Variants in RGS7 observed in about 807,000 individuals in gnomAD.
RGS7 encodes regulator of G protein signaling 7.
In RGS7, 27 loss-of-function variants were observed where a neutral mutation model predicts 81.1. The ratio of observed to expected loss-of-function variants is 0.33; its 90% CI spans 0.25 to 0.46. The LOEUF (loss-of-function observed/expected upper bound fraction) is 0.46. Ranked by LOEUF, RGS7 falls within the 20% of genes least tolerant of loss-of-function variation. The pLI is 1.00. For missense variants in RGS7, 396 were observed against 607.4 expected (o/e 0.65, Z 3.66); for synonymous variants, 208 against 207.7 (o/e 1.00, Z -0.01).
chr1:240,987,273 A>G (rs556496991), intron 3 of RGS7, among the ~76,000 whole-genome samples: 1 of 152,334 alleles, frequency 6.6e-6, no homozygotes, highest in South Asian at 2.1e-4. Flanking sequence ...TATTTTCATA[A>G]TTTTCAGCTA....
intron 11 of RGS7, among the ~76,000 whole-genome samples, chr1:240,815,268 T>C (rs1298475983): frequency 6.6e-6 from 1 of 152,018 alleles, no homozygotes; most frequent in Admixed American, 6.6e-5. Context: ...CCTGGGACTC[T>C]GAAGCAGAGG....
intron 15 of RGS7, among the ~76,000 whole-genome samples, chr1:240,805,858 G>C (rs1007087931): frequency 6.6e-6 from 1 of 151,994 alleles, no homozygotes; most frequent in African/African-American, 2.4e-5. Context: ...CTCACTTACT[G>C]GGGGGACAAA....
At chr1:241,140,124 G>A (rs2067825214) in intron 2 of RGS7, among the ~76,000 whole-genome samples, 2 of 152,158 alleles carry the variant, frequency 1.3e-5, no homozygotes, top group Admixed American at 1.3e-4. Context: ...CCTTGTGTCT[G>A]GCTTCGGATG....
At chr1:240,944,994 T>C (rs573687393) in intron 4 of RGS7, among the ~76,000 whole-genome samples, 3 of 150,926 alleles carry the variant, frequency 2.0e-5, no homozygotes, top group African/African-American at 7.4e-5. Flanking sequence ...TACAGGCGTG[T>C]GCCACGCATC....
intron 6 of RGS7, among the ~76,000 whole-genome samples, chr1:240,882,496 G>A (rs2148093478): frequency 6.6e-6 from 1 of 152,250 alleles, no homozygotes; most frequent in Admixed American, 6.5e-5. Context: ...TGATGGTAAT[G>A]ATGAAACCCA....
intron 18 of RGS7, among the ~76,000 whole-genome samples, chr1:240,785,775 T>C (rs1369482661): frequency 6.6e-6 from 1 of 152,176 alleles, no homozygotes; most frequent in African/African-American, 2.4e-5. Flanking sequence ...CAAGCTAGGC[T>C]AGGTGTTAGG....
chr1:241,239,972 T>C (rs1015497106), intron 2 of RGS7, among the ~76,000 whole-genome samples: 1 of 152,096 alleles, frequency 6.6e-6, no homozygotes, highest in African/African-American at 2.4e-5. Context: ...TCAAGGAGAA[T>C]AAATGGATTA....
intron 2 of RGS7, among the ~76,000 whole-genome samples, chr1:241,300,757 G>A (rs143202739): frequency 1.2e-4 from 19 of 152,306 alleles, no homozygotes; most frequent in Non-Finnish European, 2.1e-4. Flanking sequence ...CATGTTTCCA[G>A]CTCATGTGGG....
intron 2 of RGS7, among the ~76,000 whole-genome samples, chr1:241,215,905 T>C (rs776235180): frequency 1.3e-5 from 2 of 152,234 alleles, no homozygotes; most frequent in Non-Finnish European, 2.9e-5. Flanking sequence ...ATTGGTTTAA[T>C]GTGTAACCAT....
At chr1:240,885,446 C>T (rs546126899) in intron 6 of RGS7, among the ~76,000 whole-genome samples, 21 of 151,950 alleles carry the variant, frequency 1.4e-4, no homozygotes, top group Non-Finnish European at 1.3e-4. Flanking sequence ...AAGACACATG[C>T]CAATGTTCAC....
chr1:240,950,530 A>G (rs1011211238), intron 4 of RGS7, among the ~76,000 whole-genome samples: 19 of 152,158 alleles, frequency 1.2e-4, no homozygotes, highest in Admixed American at 5.2e-4. Flanking sequence ...AAAGGAAGAT[A>G]GTGGTGGGAG....
intron 3 of RGS7, among the ~76,000 whole-genome samples, chr1:241,036,784 G>A (rs896060358): frequency 3.5e-4 from 53 of 152,190 alleles, no homozygotes; most frequent in Admixed American, 2.0e-4. Context: ...CGTGCAGTTA[G>A]ATGGGGCCAC....
chr1:240,985,154 G>A (rs1421126482), intron 3 of RGS7, among the ~76,000 whole-genome samples: 5 of 152,182 alleles, frequency 3.3e-5, no homozygotes, highest in Non-Finnish European at 7.4e-5. Context: ...AAAAGAAAAG[G>A]AGAACTCAGC....
intron 18 of RGS7, among the ~76,000 whole-genome samples, chr1:240,777,503 G>A (rs1340142648): frequency 6.6e-6 from 1 of 152,132 alleles, no homozygotes; most frequent in Admixed American, 6.6e-5. Flanking sequence ...ACCTAATGTG[G>A]CTCAGTTTTA....
At chr1:241,272,025 A>G (rs2077936969) in intron 2 of RGS7, among the ~76,000 whole-genome samples, 1 of 141,646 alleles carries the variant, frequency 7.1e-6, no homozygotes, top group African/African-American at 2.6e-5. Context: ...ATGGAGTCTC[A>G]CTCTGTCGCA....
intron 2 of RGS7, among the ~76,000 whole-genome samples, chr1:241,207,366 A>C (rs368745262): frequency 1.0e-5 from 1 of 98,268 alleles, no homozygotes; most frequent in African/African-American, 3.2e-5. Context: ...TATATGCGTA[A>C]ATATACAGCT....
intron 2 of RGS7, among the ~76,000 whole-genome samples, chr1:241,225,787 G>A (rs1198279871): frequency 1.3e-5 from 2 of 152,206 alleles, no homozygotes. Flanking sequence ...TATCAACAGT[G>A]ATAACAGTCC....
chr1:240,842,410 T>C (rs569640846), intron 9 of RGS7, among the ~76,000 whole-genome samples: 8 of 151,730 alleles, frequency 5.3e-5, no homozygotes, highest in Non-Finnish European at 8.8e-5. Context: ...CAGGTTGGTC[T>C]CAAACTCCTG....
intron 2 of RGS7, among the ~76,000 whole-genome samples, chr1:241,208,466 G>T (rs1482821632): frequency 6.6e-6 from 1 of 152,050 alleles, no homozygotes; most frequent in African/African-American, 2.4e-5. Context: ...CTGGCTGATT[G>T]AATTTCCTCC....
Sources: allele counts gnomAD v4.1 joint callset (sites outside exome capture counted in the v4.1 genomes callset), GRCh38; gene constraint gnomAD v4.1.1; transcripts MANE v1.5; gene names NCBI Gene and HGNC (gene_info 2026-07-23, HGNC 2026-07-21).